The following TULP4 variants were observed in gnomAD, a reference collection of about 807,000 sequenced individuals.
TULP4 encodes the protein tubby-related protein 4.
A neutral mutation model predicts 129.0 loss-of-function variants in TULP4; 16 were observed. That is an observed-to-expected ratio of 0.12 (90% confidence interval 0.08 to 0.19). The LOEUF (loss-of-function observed/expected upper bound fraction) is 0.19. Ranked by LOEUF, TULP4 falls within the 10% of genes least tolerant of loss-of-function variation. The pLI, the probability that TULP4 is intolerant of heterozygous loss-of-function variation, is 1.00. For synonymous variants in TULP4, 998 were observed against 854.0 expected, an observed-to-expected ratio of 1.17 and a Z score of -2.94; for missense variants, 1,842 against 2,059.1, an observed-to-expected ratio of 0.89 and a Z score of 2.04.
intron 1 of TULP4, among the ~76,000 whole-genome samples, chr6:158,370,053 C>CTAGCTGGGCA (rs1041567354): frequency 6.6e-6 from 1 of 151,834 alleles, no homozygotes; most frequent in Non-Finnish European, 1.5e-5. Flanking sequence ...AATACAAAAA[C>CTAGCTGGGCA]TAGCTGGGCA....
At chr6:158,378,499 G>A (rs1182517032) in intron 1 of TULP4, among the ~76,000 whole-genome samples, 1 of 134,594 alleles carries the variant, frequency 7.4e-6, no homozygotes, top group South Asian at 2.6e-4. Context: ...GGGGGTGGGG[G>A]TGGGAGATGG....
chr6:158,398,023 G>A (rs1777757409), intron 1 of TULP4: 1 of 152,086 alleles, frequency 6.6e-6, no homozygotes, highest in African/African-American at 2.4e-5. Flanking sequence ...TATATTAATG[G>A]CCTCCTATTT....
At chr6:158,345,528 G>A (rs1333241963) in intron 1 of TULP4, among the ~76,000 whole-genome samples, 2 of 152,334 alleles carry the variant, frequency 1.3e-5, no homozygotes, top group East Asian at 3.9e-4. Context: ...CATATCGGTA[G>A]GACCGTGATG....
At chr6:158,357,766 G>T (rs1780681210) in intron 1 of TULP4, among the ~76,000 whole-genome samples, 1 of 152,204 alleles carries the variant, frequency 6.6e-6, no homozygotes, top group South Asian at 2.1e-4. Context: ...TTGTTGTCAG[G>T]CAGAGAATTT....
chr6:158,278,118 G>A (rs1778679515), upstream of TULP4, among the ~76,000 whole-genome samples: 1 of 152,200 alleles, frequency 6.6e-6, no homozygotes, highest in African/African-American at 2.4e-5. Flanking sequence ...GAATAACTGG[G>A]CTTCAAGGGA....
chr6:158,316,331 T>C (rs1348771101), intron 1 of TULP4, among the ~76,000 whole-genome samples: 1 of 152,206 alleles, frequency 6.6e-6, no homozygotes, highest in African/African-American at 2.4e-5. Context: ...TTAGTAGAAA[T>C]TGCTTGTTTT....
rs1780504068 is a variant in TULP4, at chr6:158,503,067, C to G, written c.3404C>G (p.Pro1135Arg). ...ATGCTGGGTGAGGATGTTTGGGTTC[C>G]TCAAGAAAGGACAGCACAGACTTCA... ...DPMLGEDVWVPQERTAQTSGP... is the reference protein window; with the variant it reads ...DPMLGEDVWVRQERTAQTSGP... The change falls in exon 13 of 14, where the codon CCT becomes CGT. Residue 1135 changes from proline (P) to arginine (R), a missense_variant. Transcript: ENST00000367097. This position sits in a 1 kb window ranked among gnomAD's most constrained non-coding sequence, Gnocchi z 4.3. 2 of 1,614,134 alleles carry G rather than the reference C, an allele frequency of 1.2e-6. No homozygotes were observed. The highest frequency in any genetic ancestry group is 1.6e-4 in the Middle Eastern group (1 of 6,062).
At chr6:158,243,812 G>A (rs530043308) in intron 1 of TULP4, among the ~76,000 whole-genome samples, 1 of 149,044 alleles carries the variant, frequency 6.7e-6, no homozygotes, top group Non-Finnish European at 1.5e-5. Context: ...ATTACAATAT[G>A]GTTACATCCT....
chr6:158,307,528 C>G (rs556863800), upstream of TULP4, among the ~76,000 whole-genome samples: 43 of 152,332 alleles, frequency 2.8e-4, no homozygotes, highest in South Asian at 1.5e-3. Context: ...GTCACCCAGA[C>G]TAGAGTGCGG....
intron 1 of TULP4, among the ~76,000 whole-genome samples, chr6:158,352,874 A>T (rs991928745): frequency 6.6e-6 from 1 of 152,262 alleles, no homozygotes; most frequent in African/African-American, 2.4e-5. Context: ...AGTTAAATAC[A>T]TACATCTATT....
intron 5 of TULP4, among the ~76,000 whole-genome samples, chr6:158,458,704 CCTT>C (rs1191315033): frequency 6.6e-6 from 1 of 152,084 alleles, no homozygotes; most frequent in Non-Finnish European, 1.5e-5. Context: ...GCTTCTGTAT[CCTT>C]CTCTTCTTTA....
intron 1 of TULP4, among the ~76,000 whole-genome samples, chr6:158,239,600 C>A (rs1341675142): frequency 1.6e-5 from 1 of 62,346 alleles, no homozygotes; most frequent in African/African-American, 5.4e-5. Flanking sequence ...TGACCCCCCC[C>A]ACCTCCCTCC....
rs778237859 is a variant in TULP4 at position 158,502,911 on chromosome 6, A to G, written c.3248A>G (p.Tyr1083Cys). The change falls in exon 13 of 14, where the codon TAC becomes TGC. Residue 1083 changes from tyrosine (Y) to cysteine (C), a missense_variant. Around this residue, in one of 5 missense-constraint regions of TULP4, gnomAD observed 1,089 missense variants for 987.1 expected, o/e 1.10. Transcript: ENST00000367097. ...PPDSARDRTD[Y>C]VNSAFTEDEA... ...GACAGCGCCCGCGACCGCACCGACTACGTCAACTCGGCCTTCACGGAGGAC... is the reference window on the plus strand; with the variant it reads ...GACAGCGCCCGCGACCGCACCGACTGCGTCAACTCGGCCTTCACGGAGGAC... 5.0e-6 allele frequency: 8 copies of G among 1,613,848 alleles called. No individual in the cohort carries two copies. The Admixed American group carries it at 1.2e-4, about 24-fold the overall frequency.
chr6:158,411,611 A>T (rs989375114), intron 1 of TULP4, among the ~76,000 whole-genome samples: 2 of 152,198 alleles, frequency 1.3e-5, no homozygotes, highest in East Asian at 3.8e-4. Flanking sequence ...CTCTTGAAAA[A>T]TTTGATTTTA....
At chr6:158,378,485 T>TTTGTG (rs1554285635) in intron 1 of TULP4, among the ~76,000 whole-genome samples, 4 of 51,288 alleles carry the variant, frequency 7.8e-5, no homozygotes, top group Admixed American at 5.2e-4. Context: ...TTTTTTTTTT[T>TTTGTG]GGTGGGGGTG....
intron 1 of TULP4, among the ~76,000 whole-genome samples, chr6:158,235,574 C>T (rs262817): frequency 0.54 from 82,638 of 152,090 alleles, 23,208 homozygotes; most frequent in East Asian, 0.7. Flanking sequence ...TCTTGAACTC[C>T]TGGGCTCAAG....
chr6:158,252,444 C>T (rs1778161717), intron 1 of TULP4, among the ~76,000 whole-genome samples: 1 of 151,784 alleles, frequency 6.6e-6, no homozygotes, highest in Non-Finnish European at 1.5e-5. Context: ...GGTATGATCT[C>T]AGCTCACTGC....
At chr6:158,342,361 A>T (rs1624108) in intron 1 of TULP4, among the ~76,000 whole-genome samples, 131,101 of 152,262 alleles carry the variant, frequency 0.86, 56,874 homozygotes, top group South Asian at 0.93. Flanking sequence ...TTTACATAAG[A>T]TTGTAATATT....
chr6:158,304,834 T>A (rs1779187751), intron 1 of TULP4, among the ~76,000 whole-genome samples: 1 of 151,978 alleles, frequency 6.6e-6, no homozygotes, highest in South Asian at 2.1e-4. Flanking sequence ...GTCTGGCTGA[T>A]TTTTTTATTT....
Sources: allele counts gnomAD v4.1 joint callset (sites outside exome capture counted in the v4.1 genomes callset), GRCh38; gene constraint gnomAD v4.1.1; regional missense constraint gnomAD v4.1.1; non-coding constraint Gnocchi (gnomAD v3.1); transcripts MANE v1.5; gene names NCBI Gene and HGNC (gene_info 2026-07-23, HGNC 2026-07-21).